Variants in AOX1 observed in about 807,000 individuals in gnomAD.
AOX1 encodes the protein aldehyde oxidase.
In AOX1, 153 loss-of-function variants were observed where a neutral mutation model predicts 169.5. The ratio of observed to expected loss-of-function variants is 0.90; its 90% CI spans 0.79 to 1.03. AOX1 has a LOEUF of 1.03. AOX1 is among the 50% of genes least tolerant of loss of function. The pLI is 0.00. For synonymous variants in AOX1, 562 were observed against 581.9 expected (o/e 0.97, Z 0.49); for missense variants, 1,656 against 1,663.9 (o/e 1.00, Z 0.08).
At chr2:200,654,487 C>T (rs532968514) in intron 26 of AOX1, among the ~76,000 whole-genome samples, 7 of 152,274 alleles carry the variant, frequency 4.6e-5, no homozygotes, top group South Asian at 2.1e-4. Context: ...TGGGAAACAA[C>T]GAAAATTGTG....
chr2:200,659,201 G>A lies in AOX1; in HGVS notation c.3208G>A (p.Val1070Ile), dbSNP rs913895260. The A allele has an allele frequency of 6.2e-6, 10 of 1,613,796 alleles. No homozygotes were observed. The African/African-American group carries it at 1.1e-4, about 17-fold the overall frequency. ...SRELRMPMSN[V>I]HLRGTSTETV... ...TGAATTAAGAATGCCAATGTCGAAT[G>A]TCCACCTGCGTGGAACAAGCACAGA... is the stretch of plus-strand genomic sequence containing the variant. Residue 1070 changes from valine (V) to isoleucine (I), a missense_variant, in exon 28 of 35, where the codon GTC becomes ATC. Coordinates refer to ENST00000374700, the MANE Select transcript of AOX1 (RefSeq NM_001159.4).
chr2:200,645,383 G>A (rs1436269529), intron 25 of AOX1, among the ~76,000 whole-genome samples: 1 of 152,104 alleles, frequency 6.6e-6, no homozygotes, highest in Non-Finnish European at 1.5e-5. Flanking sequence ...ATTGACTTGT[G>A]TGTGTTAAAC....
chr2:200,666,042 C>T (rs73055181), intron 31 of AOX1, among the ~76,000 whole-genome samples: 14,149 of 152,118 alleles, frequency 0.093, 1,074 homozygotes, highest in East Asian at 0.25. Context: ...ATGGCAGAGA[C>T]CATTATATCA....
At chr2:200,641,368 G>T (rs1004759277) in intron 24 of AOX1, among the ~76,000 whole-genome samples, 184 bp downstream of exon 24, 3 of 152,102 alleles carry the variant, frequency 2.0e-5, no homozygotes, top group Non-Finnish European at 2.9e-5. Context: ...TGGCTAAGTT[G>T]CATCTGTGTG....
chr2:200,586,384 T>C (rs1447624040), intron 1 of AOX1, among the ~76,000 whole-genome samples: 4 of 152,208 alleles, frequency 2.6e-5, no homozygotes, highest in Non-Finnish European at 2.9e-5. Context: ...CCACCTTCCT[T>C]ATGTTCCCCT....
chr2:200,617,174 T>C (rs975322370), intron 16 of AOX1, among the ~76,000 whole-genome samples: 1 of 152,292 alleles, frequency 6.6e-6, no homozygotes, highest in African/African-American at 2.4e-5. Flanking sequence ...GAGTTTATCA[T>C]TGATTGCAAA....
In AOX1 at chr2:200,588,726, C is replaced by CTTTTTTTTTTCTTTTTTTTT. The variant is rs2034096771; in HGVS notation, c.45+2583_45+2584insCTTTTTTTTTTTTTTTTTTT. On this transcript the variant is annotated intron_variant, in intron 1 of 34. Coordinates refer to ENST00000374700, the MANE Select transcript of AOX1 (RefSeq NM_001159.4). ...CTTACATGGAAAGAACTAGAATAAG[C>CTTTTTTTTTTCTTTTTTTTT]TTTTTTTTTTTTTTTTTTTTTGAGA... 2.2e-3 allele frequency among the ~76,000 whole-genome samples: 120 copies of CTTTTTTTTTTCTTTTTTTTT among 53,986 alleles called. 11 individuals carry two copies. The highest frequency in any genetic ancestry group is 6.8e-3 in the African/African-American group (110 of 16,262). 35.4% of individuals were successfully genotyped at this position (53,986 alleles called of 152,430 possible). A position where few individuals can be genotyped will look rare whatever the true frequency, so the allele number is the denominator to read the frequency against.
intron 12 of AOX1, among the ~76,000 whole-genome samples, chr2:200,610,723 A>G (rs1469384497): frequency 1.3e-5 from 2 of 152,218 alleles, no homozygotes; most frequent in Non-Finnish European, 2.9e-5. Context: ...AGAGATATTA[A>G]TATTTACTCC....
intron 34 of AOX1, 34 bp from the exon 35 acceptor site, chr2:200,670,595 C>G: frequency 6.3e-7 from 1 of 1,587,702 alleles, no homozygotes; most frequent in East Asian, 2.2e-5. Context: ...AAACATTTCC[C>G]AGGTTTGAAC....
intron 29 of AOX1, 115 bp downstream of exon 29, chr2:200,660,184 A>G (rs2035793175): frequency 2.4e-6 from 2 of 820,624 alleles, no homozygotes; most frequent in East Asian, 2.5e-5. Flanking sequence ...AGGTACCACC[A>G]TTGTGTAATG....
chr2:200,668,347 G>A (rs2035961591), intron 32 of AOX1, among the ~76,000 whole-genome samples: 1 of 152,086 alleles, frequency 6.6e-6, no homozygotes, highest in Admixed American at 6.5e-5. Context: ...AACCTCAGGT[G>A]ATCCGCCTGC....
chr2:200,631,683 T>C (rs2035128322), intron 20 of AOX1, among the ~76,000 whole-genome samples: 3 of 152,140 alleles, frequency 2.0e-5, no homozygotes, highest in Admixed American at 2.0e-4. Flanking sequence ...GGCAGTGCAA[T>C]ATAACAGGTT....
At chr2:200,656,130 C>T (rs116784675) in intron 26 of AOX1, among the ~76,000 whole-genome samples, 4,095 of 152,276 alleles carry the variant, frequency 0.027, 194 homozygotes, top group African/African-American at 0.093. Context: ...CAGGCTTTCC[C>T]GGACCACAGT....
At chr2:200,653,404 C>A (rs923256083) in intron 26 of AOX1, among the ~76,000 whole-genome samples, 1 of 152,306 alleles carries the variant, frequency 6.6e-6, no homozygotes, top group African/African-American at 2.4e-5. Context: ...GTGCCTTCTC[C>A]ATGGAAGGAC....
At chr2:200,593,281 A>G in intron 2 of AOX1, 78 bp downstream of exon 2, 1 of 1,168,904 alleles carries the variant, frequency 8.6e-7, no homozygotes, top group South Asian at 1.2e-5. Context: ...ATGATATTTC[A>G]AATATACATT....
intron 16 of AOX1, 97 bp downstream of exon 16, chr2:200,616,160 A>G: frequency 2.3e-6 from 2 of 854,996 alleles, no homozygotes; most frequent in South Asian, 3.2e-5. Flanking sequence ...CAAGCTCTGT[A>G]AGTCCAAGCT....
intron 12 of AOX1, among the ~76,000 whole-genome samples, chr2:200,610,528 C>CT (rs1231627813): frequency 6.6e-6 from 1 of 152,154 alleles, no homozygotes; most frequent in East Asian, 1.9e-4. Flanking sequence ...AACTGTTCCT[C>CT]TTCCTTATAT....
At chr2:200,660,639 A>G (rs1045920345) in intron 29 of AOX1, among the ~76,000 whole-genome samples, 10 of 152,246 alleles carry the variant, frequency 6.6e-5, no homozygotes, top group Admixed American at 5.9e-4. Context: ...GTAATAGTTT[A>G]TCAACTACCA....
chr2:200,682,125 A>G, the AOX1 span, among the ~76,000 whole-genome samples: 1 of 152,170 alleles, frequency 6.6e-6, no homozygotes, highest in Non-Finnish European at 1.5e-5. Context: ...TTCTGATTAA[A>G]TTTCACATAT....
Sources: gnomAD v4.1 joint callset for allele counts (sites outside exome capture counted in the v4.1 genomes callset) on GRCh38, gnomAD v4.1.1 for gene constraint, MANE v1.5 for transcripts, NCBI Gene and HGNC (gene_info 2026-07-23, HGNC 2026-07-21) for gene names.